The following RAPGEF1 variants were observed in gnomAD, a reference collection of about 807,000 sequenced individuals.
The protein encoded by RAPGEF1 is Rap guanine nucleotide exchange factor 1, also known as CRK SH3-binding GNRP.
In RAPGEF1, 33 loss-of-function variants were observed where a neutral mutation model predicts 143.3. The observed-to-expected ratio is 0.23, with a 90% CI of 0.17 to 0.31. The LOEUF is 0.31. Ranked by LOEUF, RAPGEF1 falls within the 10% of genes least tolerant of loss-of-function variation. RAPGEF1 has a pLI of 1.00. For synonymous variants in RAPGEF1, 629 were observed against 676.5 expected, an observed-to-expected ratio of 0.93 and a Z score of 1.09; for missense variants, 1,199 against 1,645.4, an observed-to-expected ratio of 0.73 and a Z score of 4.69.
chr9:131,633,120 T>C (rs776373597), intron 5 of RAPGEF1, among the ~76,000 whole-genome samples: 37 of 152,336 alleles, frequency 2.4e-4, no homozygotes, highest in Admixed American at 2.6e-4. Flanking sequence ...AAGAGCCAAG[T>C]ACTAGCAAGA....
intron 1 of RAPGEF1, among the ~76,000 whole-genome samples, chr9:131,654,313 A>G (rs1295616174): frequency 6.6e-6 from 1 of 152,230 alleles, no homozygotes; most frequent in Non-Finnish European, 1.5e-5. Flanking sequence ...TATTTTTTTA[A>G]AAAAGCCCAC....
chr9:131,631,791 C>T (rs967271047), intron 5 of RAPGEF1, among the ~76,000 whole-genome samples: 3 of 152,156 alleles, frequency 2.0e-5, no homozygotes, highest in African/African-American at 7.2e-5. Context: ...AGAAGGTGAA[C>T]ACGCCGAAAA....
intron 1 of RAPGEF1, among the ~76,000 whole-genome samples, chr9:131,721,320 G>A (rs2131280139): frequency 6.6e-6 from 1 of 152,312 alleles, no homozygotes; most frequent in Admixed American, 6.5e-5. Context: ...CGGGAAGTGT[G>A]CTCATCCCTC....
chr9:131,586,189 C>T (rs984585450), intron 22 of RAPGEF1, among the ~76,000 whole-genome samples: 4 of 150,948 alleles, frequency 2.6e-5, no homozygotes, highest in African/African-American at 7.4e-5. Context: ...GAGCCAGACT[C>T]CGTCTCAAAC....
chr9:131,700,791 G>A lies in RAPGEF1; in HGVS notation c.61+38979C>T, dbSNP rs144673870. Among the ~76,000 whole-genome samples, 7 of 152,292 alleles carry A rather than the reference G, an allele frequency of 4.6e-5. No individual in the cohort carries two copies. The East Asian group carries it at 9.6e-4, about 21-fold the overall frequency. ...ATGGAGACCTGAATGTGTGTGTGCCGGAGAAGCCAGAAGGCTCGCTGAGCA... is the reference window on the plus strand; with the variant it reads ...ATGGAGACCTGAATGTGTGTGTGCCAGAGAAGCCAGAAGGCTCGCTGAGCA... On this transcript the variant is annotated intron_variant, in intron 1 of 26. Coordinates refer to ENST00000683357, the MANE Select transcript of RAPGEF1 (RefSeq NM_001377935.1).
chr9:131,625,791 A>G (rs1962823463), intron 10 of RAPGEF1, 131 bp downstream of exon 10: 3 of 1,269,448 alleles, frequency 2.4e-6, no homozygotes, highest in East Asian at 4.8e-5. Context: ...AAGTGTCCAC[A>G]TACCTGGCTG....
intron 1 of RAPGEF1, among the ~76,000 whole-genome samples, chr9:131,656,809 A>G (rs142595798): frequency 4.6e-5 from 7 of 152,376 alleles, no homozygotes; most frequent in Non-Finnish European, 1.0e-4. Context: ...ATGGAACTCA[A>G]GAGGTTTATT....
In RAPGEF1 at chr9:131,638,653, A is replaced by G. The variant is rs1299013049; in HGVS notation, c.633T>C (p.Ala211=). 3 of 1,613,890 alleles carry G rather than the reference A, an allele frequency of 1.9e-6. No individual in the cohort carries two copies. Among genetic ancestry groups the G allele is most frequent in the Non-Finnish European group, 2.5e-6 (3 of 1,179,878 alleles). The change falls in exon 5 of 27, where the codon GCT becomes GCC. Residue 211 remains alanine, a synonymous_variant. Coordinates refer to ENST00000683357, the MANE Select transcript of RAPGEF1 (RefSeq NM_001377935.1). ...CCGGTACCTTCACTCCATCCAGCAC[A>G]GCCTTGATGACCCCCTTCACAGTCG... is the stretch of plus-strand genomic sequence containing the variant. ...MVTTVKGVIK[A]VLDGVKELVR...
At position 131,621,958 on chromosome 9, in the gene RAPGEF1, C is replaced by T. The variant is rs983122178; in HGVS notation, c.1743G>A (p.Pro581=). Residue 581 remains proline, a synonymous_variant, in exon 11 of 27, where the codon CCG becomes CCA. Transcript: ENST00000683357. The surrounding 1 kb of genome is among the most constrained non-coding windows in gnomAD (Gnocchi z 4.5). The part of the protein sequence containing the change: ...YMQLLEDYSE[P]QPSMFYQTPQ... ...GCGTCTGGTAGAACATAGAGGGCTG[C>T]GGCTCCGAGTAGTCCTCCAGCAACT... 51 of 1,613,430 alleles carry T rather than the reference C, an allele frequency of 3.2e-5. 1 individual carries two copies. In the East Asian group the frequency reaches 8.0e-4, roughly 25 times the overall value.
chr9:131,585,364 G>T (rs532504039), intron 22 of RAPGEF1, among the ~76,000 whole-genome samples: 3 of 73,250 alleles, frequency 4.1e-5, no homozygotes, highest in East Asian at 2.9e-4. Flanking sequence ...TTTTTTGTAG[G>T]GGGGGGGCGT....
intron 5 of RAPGEF1, among the ~76,000 whole-genome samples, chr9:131,632,773 A>T (rs923904205): frequency 1.4e-4 from 22 of 152,238 alleles, no homozygotes; most frequent in Admixed American, 1.3e-4. Context: ...AACAAAGCCA[A>T]ATCAAGAATA....
In RAPGEF1 at chr9:131,603,913, G is replaced by A. The variant is rs781005291; in HGVS notation, c.2412+48C>T. ...GCGGCCTCGGGAGGGCAGAGCCCAA[G>A]CCCCACCAGGCCAGGCCACATGCAG... On this transcript the variant is annotated intron_variant, in intron 14 of 26. Transcript: ENST00000683357. The A allele has an allele frequency of 1.3e-5, 15 of 1,191,344 alleles. 1 individual carries two copies. In the South Asian group the frequency reaches 1.8e-4, roughly 14 times the overall value. The allele number at this position is 1,191,344 out of a possible 1,614,324, so 73.8% of individuals were successfully genotyped here. A position where few individuals can be genotyped will look rare whatever the true frequency, so the allele number is the denominator to read the frequency against.
Position 131,579,625 on chromosome 9 carries a change from C to T in RAPGEF1, c.3664G>A (p.Asp1222Asn), listed in dbSNP as rs753363267. Residue 1222 changes from aspartate (D) to asparagine (N), a missense_variant, in exon 27 of 27, where the codon GAC becomes AAC. Asp to Asn is a conservative substitution (Grantham distance 23, BLOSUM62 1). Around this residue, in one of 6 missense-constraint regions of RAPGEF1, gnomAD observed 67 missense variants for 105.4 expected, o/e 0.64. Transcript: ENST00000683357. Reference sequence around the variant, plus strand: ...TCATTGAAGAAGTTTATAATGTCGTCGTTCCTCCGCATGTCATAGTGCCTG... The same window carrying T: ...TCATTGAAGAAGTTTATAATGTCGTTGTTCCTCCGCATGTCATAGTGCCTG... ...QQAHYDMRRN[D>N]DIINFFNDFS... 2.5e-6 allele frequency: 4 copies of T among 1,614,000 alleles called. No homozygotes were observed. The highest frequency in any genetic ancestry group is 3.4e-6 in the Non-Finnish European group (4 of 1,179,856).
At chr9:131,608,448 A>G (rs112933540) in intron 12 of RAPGEF1, among the ~76,000 whole-genome samples, 32 of 152,316 alleles carry the variant, frequency 2.1e-4, no homozygotes, top group African/African-American at 6.5e-4. Flanking sequence ...TGGATGGGTA[A>G]GAGACGAACT....
intron 10 of RAPGEF1, 130 bp from the exon 11 acceptor site, chr9:131,622,128 A>G: frequency 1.2e-6 from 1 of 859,164 alleles, no homozygotes; most frequent in Non-Finnish European, 1.8e-6. Flanking sequence ...GAACAGACGG[A>G]GCACGGAGGA....
intron 1 of RAPGEF1, among the ~76,000 whole-genome samples, chr9:131,679,735 C>A (rs1163236742): frequency 6.6e-6 from 1 of 152,208 alleles, no homozygotes; most frequent in Non-Finnish European, 1.5e-5. Flanking sequence ...AAGTTGCCCA[C>A]TCGGGGTGTG....
At chr9:131,669,563 C>T (rs902436285) in intron 1 of RAPGEF1, among the ~76,000 whole-genome samples, 19 of 152,158 alleles carry the variant, frequency 1.2e-4, no homozygotes, top group African/African-American at 3.1e-4. Context: ...TGCCCCTGAA[C>T]GAGGGCAGTT....
At chr9:131,645,577 C>T (rs1482058924) in intron 3 of RAPGEF1, among the ~76,000 whole-genome samples, 2 of 152,236 alleles carry the variant, frequency 1.3e-5, no homozygotes, top group African/African-American at 4.8e-5. Flanking sequence ...AATTAATGGC[C>T]TCTGGGTGTT....
At chr9:131,642,696 C>G (rs772519355) in intron 4 of RAPGEF1, among the ~76,000 whole-genome samples, 1 of 152,202 alleles carries the variant, frequency 6.6e-6, no homozygotes, top group Non-Finnish European at 1.5e-5. Context: ...CCCTGTGCAG[C>G]CTCCAGGCTG....
Sources: allele counts gnomAD v4.1 joint callset (sites outside exome capture counted in the v4.1 genomes callset), GRCh38; gene constraint gnomAD v4.1.1; regional missense constraint gnomAD v4.1.1; non-coding constraint Gnocchi (gnomAD v3.1); transcripts MANE v1.5; gene names NCBI Gene and HGNC (gene_info 2026-07-23, HGNC 2026-07-21).